DENND1A: variants seen among roughly 807,000 people sequenced by gnomAD.
DENND1A encodes the protein DENN domain-containing protein 1A.
Under a neutral mutation model 113.7 loss-of-function variants are expected in DENND1A, and 51 were observed. The ratio of observed to expected loss-of-function variants is 0.45; its 90% CI spans 0.36 to 0.57. The LOEUF is 0.57. Among genes scored for constraint, DENND1A ranks in the 20% least tolerant of loss-of-function variants. DENND1A has a pLI of 0.00. For synonymous variants in DENND1A, 565 were observed against 570.8 expected, an observed-to-expected ratio of 0.99 and a Z score of 0.14; for missense variants, 1,258 against 1,395.9, an observed-to-expected ratio of 0.90 and a Z score of 1.57.
chr9:123,829,390 A>T (rs1328502070), intron 2 of DENND1A, among the ~76,000 whole-genome samples: 1 of 152,134 alleles, frequency 6.6e-6, no homozygotes, highest in Non-Finnish European at 1.5e-5. Context: ...TCACAAAAAA[A>T]ATTCAGACTT....
rs760816530 is a variant in DENND1A at position 123,383,790 on chromosome 9, G to A, written c.1884C>T (p.Ser628=). 10 of 1,613,994 alleles carry A rather than the reference G, an allele frequency of 6.2e-6. No homozygotes were observed. In the South Asian group the frequency reaches 1.1e-4, roughly 18 times the overall value. The change falls in exon 23 of 24, where the codon AGC becomes AGT. Residue 628 remains serine, a synonymous_variant. Transcript: ENST00000394215. ...TGAAGACGTCTTCCAGAAGGTCGAT[G>A]CTGGCAGCCCGGTCAGGGGGAGCTG... The part of the protein sequence containing the change: ...PVPAPPDRAA[S]IDLLEDVFSN...
chr9:123,782,181 T>G (rs1376511110), intron 3 of DENND1A, among the ~76,000 whole-genome samples: 1 of 152,228 alleles, frequency 6.6e-6, no homozygotes, highest in Non-Finnish European at 1.5e-5. Context: ...CCATTAAATC[T>G]GAAAGCTATT....
intron 13 of DENND1A, among the ~76,000 whole-genome samples, chr9:123,500,443 T>G (rs376797582): frequency 3.3e-5 from 5 of 152,208 alleles, no homozygotes; most frequent in African/African-American, 1.2e-4. Context: ...TCTTCAATAT[T>G]CAGTCCAAGA....
chr9:123,465,920 C>T (rs1050143264), intron 13 of DENND1A, among the ~76,000 whole-genome samples: 4 of 152,184 alleles, frequency 2.6e-5, no homozygotes, highest in Non-Finnish European at 5.9e-5. Context: ...CTTGTACATG[C>T]ATTTATACAT....
At chr9:123,622,812 T>C (rs2061022460) in intron 10 of DENND1A, among the ~76,000 whole-genome samples, 1 of 152,206 alleles carries the variant, frequency 6.6e-6, no homozygotes, top group African/African-American at 2.4e-5. Context: ...CAGTACTCAA[T>C]AGATGGTGAT....
At chr9:123,667,191 G>A in intron 7 of DENND1A, 112 bp from the exon 8 acceptor site, 1 of 1,052,914 alleles carries the variant, frequency 9.5e-7, no homozygotes, top group Non-Finnish European at 1.4e-6. Flanking sequence ...AAAGGAAACG[G>A]TTTCACTCAG....
rs1411235935 is a variant in DENND1A at position 123,626,239 on chromosome 9, CG to C, written c.719+4136del. Reference sequence around the variant, plus strand: ...ACATCTGGCGTGTGGTGTGTATGGGCGGGGGGTGTCTCTCCCTGTGGAAGAC... The same window carrying C: ...ACATCTGGCGTGTGGTGTGTATGGGCGGGGGTGTCTCTCCCTGTGGAAGAC... On this transcript the variant is annotated intron_variant, in intron 10 of 23. Transcript: ENST00000394215. 1.1e-4 allele frequency among the ~76,000 whole-genome samples: 16 copies of C among 152,014 alleles called. No individual in the cohort carries two copies. In the East Asian group the frequency reaches 2.5e-3, roughly 24 times the overall value.
intron 16 of DENND1A, among the ~76,000 whole-genome samples, chr9:123,454,525 C>T (rs1445481067): frequency 6.6e-6 from 1 of 152,228 alleles, no homozygotes; most frequent in Non-Finnish European, 1.5e-5. Flanking sequence ...GGAAGCCTCT[C>T]ATGCCTTTTT....
chr9:123,386,873 G>A (rs1447750971), intron 22 of DENND1A, among the ~76,000 whole-genome samples: 1 of 152,212 alleles, frequency 6.6e-6, no homozygotes, highest in Non-Finnish European at 1.5e-5. Context: ...CCTGATGCTG[G>A]GGTTTGGGAA....
intron 21 of DENND1A, chr9:123,402,019 A>C: frequency 6.8e-7 from 1 of 1,470,722 alleles, no homozygotes; most frequent in Non-Finnish European, 9.4e-7. Context: ...TAAAGAGGGG[A>C]CTTCAAAGAA....
intron 12 of DENND1A, 68 bp from the exon 13 acceptor site, chr9:123,557,763 C>A (rs1365834932): frequency 6.4e-7 from 1 of 1,566,736 alleles, no homozygotes; most frequent in African/African-American, 1.4e-5. Flanking sequence ...ACTAAGCCCA[C>A]TACATATGGA....
intron 1 of DENND1A, among the ~76,000 whole-genome samples, chr9:123,903,892 C>T (rs1852228942): frequency 6.6e-6 from 1 of 152,110 alleles, no homozygotes; most frequent in Admixed American, 6.5e-5. Context: ...GGCCTGCCTG[C>T]CTCTGTAGGC....
At chr9:123,566,913 C>CCACACACACACACACA (rs59984497) in intron 12 of DENND1A, among the ~76,000 whole-genome samples, 4,328 of 147,366 alleles carry the variant, frequency 0.029, 80 homozygotes, top group South Asian at 0.038. Context: ...CTTTAACACA[C>CCACACACACACACACA]CACACACACA....
chr9:123,383,513 TCA>T (rs1392931067), intron 23 of DENND1A, 140 bp downstream of exon 23: 11 of 1,353,456 alleles, frequency 8.1e-6, no homozygotes, highest in Non-Finnish European at 1.0e-5. Context: ...GTGTTTACAG[TCA>T]CACTGACCCT....
intron 2 of DENND1A, chr9:123,843,170 CAT>C: frequency 1.8e-6 from 1 of 552,034 alleles, no homozygotes; most frequent in Non-Finnish European, 3.7e-6. Context: ...CATGGTTGTG[CAT>C]ATGTTCTGGT....
intron 5 of DENND1A, among the ~76,000 whole-genome samples, chr9:123,699,759 G>A (rs1156401539): frequency 3.4e-5 from 5 of 147,326 alleles, no homozygotes; most frequent in Middle Eastern, 3.6e-3. Flanking sequence ...GTGCAGTGGC[G>A]TGATCTCAGC....
chr9:123,494,039 G>C (rs1035234354), intron 13 of DENND1A, among the ~76,000 whole-genome samples: 6 of 152,134 alleles, frequency 3.9e-5, no homozygotes, highest in African/African-American at 9.7e-5. Flanking sequence ...GTAGCCAGAG[G>C]CCCCCCACAT....
chr9:123,925,356 C>G (rs974725680), intron 1 of DENND1A, among the ~76,000 whole-genome samples: 3 of 152,196 alleles, frequency 2.0e-5, no homozygotes, highest in Non-Finnish European at 2.9e-5. Flanking sequence ...GTGAAGGCTT[C>G]CTTTCCTGAC....
intron 13 of DENND1A, among the ~76,000 whole-genome samples, chr9:123,487,418 T>C (rs1238840499): frequency 6.6e-6 from 1 of 152,216 alleles, no homozygotes; most frequent in African/African-American, 2.4e-5. Context: ...TTCAGAATGT[T>C]TTCTCTCTTG....
Sources: gnomAD v4.1 joint callset for allele counts (sites outside exome capture counted in the v4.1 genomes callset) on GRCh38, gnomAD v4.1.1 for gene constraint, MANE v1.5 for transcripts, NCBI Gene and HGNC (gene_info 2026-07-23, HGNC 2026-07-21) for gene names.